FMN2: variants seen among roughly 807,000 people sequenced by gnomAD.
The protein encoded by FMN2 is formin 2.
FMN2 carries 51 observed loss-of-function variants against 142.3 expected under a neutral mutation model. The observed-to-expected ratio is 0.36, with a 90% CI of 0.29 to 0.45. The LOEUF (loss-of-function observed/expected upper bound fraction) is 0.45. FMN2 is among the 20% of genes least tolerant of loss of function. FMN2 has a pLI of 1.00. For missense variants in FMN2, 1,936 were observed against 2,122.8 expected (o/e 0.91, Z 1.73); for synonymous variants, 882 against 869.8 (o/e 1.01, Z -0.25).
intron 4 of FMN2, among the ~76,000 whole-genome samples, chr1:240,202,112 G>C (rs1466321771): frequency 1.3e-5 from 2 of 152,162 alleles, no homozygotes; most frequent in Non-Finnish European, 2.9e-5. Context: ...GCATCTAATT[G>C]GATGAATCTA....
chr1:240,104,461 C>T (rs1216327721), intron 1 of FMN2, among the ~76,000 whole-genome samples: 1 of 152,142 alleles, frequency 6.6e-6, no homozygotes, highest in East Asian at 1.9e-4. Context: ...CTCGCATCAT[C>T]AGTCCAGGCA....
intron 13 of FMN2, among the ~76,000 whole-genome samples, chr1:240,344,229 A>T (rs1389516024): frequency 6.6e-6 from 1 of 152,176 alleles, no homozygotes; most frequent in Non-Finnish European, 1.5e-5. Flanking sequence ...AGCTAAACAA[A>T]TCTTTCTATT....
intron 7 of FMN2, among the ~76,000 whole-genome samples, chr1:240,270,282 C>T (rs1488892980): frequency 1.3e-5 from 2 of 152,068 alleles, no homozygotes; most frequent in African/African-American, 4.8e-5. Flanking sequence ...CTCTTCCATA[C>T]TGTTGGTGGA....
At chr1:240,174,348 A>G (rs1221720698) in intron 2 of FMN2, among the ~76,000 whole-genome samples, 1 of 151,968 alleles carries the variant, frequency 6.6e-6, no homozygotes, top group Admixed American at 6.6e-5. Flanking sequence ...TACATTTCAG[A>G]AACTTCTTTT....
intron 15 of FMN2, among the ~76,000 whole-genome samples, chr1:240,427,351 GC>G (rs1674989062): frequency 6.6e-6 from 1 of 151,634 alleles, no homozygotes; most frequent in Admixed American, 6.6e-5. Context: ...GACTACAGGC[GC>G]CCGCCACCGC....
chr1:240,144,851 TC>T, intron 2 of FMN2: 1 of 1,438,064 alleles, frequency 7.0e-7, no homozygotes, highest in South Asian at 1.1e-5. Flanking sequence ...CTTCTTTGCA[TC>T]ATCCAGCTCC....
chr1:240,281,399 T>C (rs576475946), intron 7 of FMN2, among the ~76,000 whole-genome samples: 1 of 152,166 alleles, frequency 6.6e-6, no homozygotes, highest in South Asian at 2.1e-4. Context: ...TCCTAGGACA[T>C]ATGGTATTTT....
chr1:240,399,541 G>A lies in FMN2; in HGVS notation c.4910+6979G>A, dbSNP rs1041255764. ...CTCTAATCCAGACACTTATGGTAAT[G>A]AAGATAGGAGCTTCCACTCTCCCAA... On this transcript the variant is annotated intron_variant, in intron 15 of 17. Transcript: ENST00000319653. Among the ~76,000 whole-genome samples the A allele has an allele frequency of 2.6e-4, 40 of 152,168 alleles. 1 individual carries two copies. Among genetic ancestry groups the A allele is most frequent in the African/African-American group, 8.2e-4 (34 of 41,432 alleles).
At chr1:240,425,328 C>T (rs373546182) in intron 15 of FMN2, among the ~76,000 whole-genome samples, 13 of 151,710 alleles carry the variant, frequency 8.6e-5, no homozygotes, top group African/African-American at 3.2e-4. Flanking sequence ...ATGACAGAAG[C>T]GAAAACTCGG....
intron 16 of FMN2, among the ~76,000 whole-genome samples, chr1:240,464,326 T>G (rs16840138): frequency 0.012 from 1,747 of 151,672 alleles, 68 homozygotes; most frequent in South Asian, 0.07. Flanking sequence ...GTTCTGCATC[T>G]TATAGAATCT....
chr1:240,278,945 C>T (rs1204164530), intron 7 of FMN2, among the ~76,000 whole-genome samples: 1 of 152,110 alleles, frequency 6.6e-6, no homozygotes, highest in Non-Finnish European at 1.5e-5. Flanking sequence ...GAGAAAGTTC[C>T]TAAATTTTAG....
At chr1:240,109,673 T>C (rs898359525) in intron 1 of FMN2, among the ~76,000 whole-genome samples, 3 of 152,126 alleles carry the variant, frequency 2.0e-5, no homozygotes, top group African/African-American at 7.2e-5. Flanking sequence ...ATTTGATGCA[T>C]TCGTATTACT....
intron 15 of FMN2, among the ~76,000 whole-genome samples, chr1:240,397,587 T>TCAACCAGCCTGGC (rs879846125): frequency 2.6e-5 from 4 of 151,782 alleles, no homozygotes; most frequent in Non-Finnish European, 5.9e-5. Flanking sequence ...ACCAGCCTGG[T>TCAACCAGCCTGGC]CAACCAGCCT....
At chr1:240,433,734 C>T (rs147191528) in intron 15 of FMN2, among the ~76,000 whole-genome samples, 113 of 152,328 alleles carry the variant, frequency 7.4e-4, no homozygotes, top group African/African-American at 2.3e-3. Flanking sequence ...TTTGAGGGTT[C>T]TTCCTGCTTT....
At chr1:240,326,209 T>C (rs971392168) in intron 8 of FMN2, among the ~76,000 whole-genome samples, 19 of 152,240 alleles carry the variant, frequency 1.2e-4, no homozygotes, top group Admixed American at 1.1e-3. Flanking sequence ...AAAGAGAAAC[T>C]ATGTACCCAT....
At chr1:240,099,668 T>G (rs959705999) in intron 1 of FMN2, among the ~76,000 whole-genome samples, 2 of 152,220 alleles carry the variant, frequency 1.3e-5, no homozygotes, top group Non-Finnish European at 2.9e-5. Flanking sequence ...TTTACCCTCT[T>G]GGAATACATG....
chr1:240,155,373 G>T (rs1345209884), intron 2 of FMN2, among the ~76,000 whole-genome samples: 2 of 152,124 alleles, frequency 1.3e-5, no homozygotes, highest in South Asian at 2.1e-4. Context: ...CTAACTCCTA[G>T]CCTCGAGTGA....
chr1:240,187,011 C>A (rs1051318840), intron 3 of FMN2, among the ~76,000 whole-genome samples: 72 of 151,376 alleles, frequency 4.8e-4, no homozygotes, highest in Non-Finnish European at 8.7e-4. Context: ...TCATGCCTGT[C>A]ATCCCAGCAC....
At chr1:240,175,812 G>T (rs1664890392) in intron 2 of FMN2, among the ~76,000 whole-genome samples, 1 of 152,082 alleles carries the variant, frequency 6.6e-6, no homozygotes, top group South Asian at 2.1e-4. Flanking sequence ...GTGATATTGA[G>T]CATCTTTTCA....
Sources: allele counts gnomAD v4.1 joint callset (sites outside exome capture counted in the v4.1 genomes callset), GRCh38; gene constraint gnomAD v4.1.1; transcripts MANE v1.5; gene names NCBI Gene and HGNC (gene_info 2026-07-23, HGNC 2026-07-21).